Variants in MDGA2 observed in about 807,000 individuals in gnomAD.
MDGA2 encodes MAM domain containing glycosylphosphatidylinositol anchor 2.
In MDGA2, 40 loss-of-function variants were observed where a neutral mutation model predicts 117.8. The observed-to-expected ratio is 0.34, with a 90% CI of 0.26 to 0.44. MDGA2 has a LOEUF of 0.44. MDGA2 is among the 20% of genes least tolerant of loss of function. The probability of loss-of-function intolerance (pLI) is 1.00; values close to 1 mark genes in which losing one functional copy is unlikely to be tolerated. For synonymous variants in MDGA2, 452 were observed against 439.0 expected (o/e 1.03, Z -0.37); for missense variants, 1,123 against 1,250.6 (o/e 0.90, Z 1.54).
chr14:47,509,777 A>G (rs563724637), intron 1 of MDGA2, among the ~76,000 whole-genome samples: 1 of 152,184 alleles, frequency 6.6e-6, no homozygotes, highest in African/African-American at 2.4e-5. Flanking sequence ...TGTCTATCTT[A>G]TGACTGCCTC....
chr14:47,598,009 A>C (rs2138872240), intron 1 of MDGA2, among the ~76,000 whole-genome samples: 1 of 152,276 alleles, frequency 6.6e-6, no homozygotes, highest in African/African-American at 2.4e-5. Context: ...ATAGTCATAA[A>C]GTGTGCTTTA....
intron 8 of MDGA2, among the ~76,000 whole-genome samples, chr14:47,010,473 T>A (rs1278190861): frequency 6.6e-6 from 1 of 152,080 alleles, no homozygotes; most frequent in African/African-American, 2.4e-5. Context: ...TTCTGACATA[T>A]TCCAATAAAG....
At chr14:47,308,951 A>C (rs1052188719) in intron 1 of MDGA2, among the ~76,000 whole-genome samples, 1 of 152,048 alleles carries the variant, frequency 6.6e-6, no homozygotes, top group African/African-American at 2.4e-5. Context: ...ACTTGCTTTT[A>C]CTTCTATGCA....
At chr14:47,543,839 T>C (rs886347011) in intron 1 of MDGA2, among the ~76,000 whole-genome samples, 3 of 152,222 alleles carry the variant, frequency 2.0e-5, no homozygotes, top group African/African-American at 7.2e-5. Flanking sequence ...GTGAGCTTTC[T>C]AAGTATAAAG....
chr14:46,841,881 T>A lies in MDGA2; in HGVS notation c.*50A>T, dbSNP rs1198749805. On this transcript the variant is annotated 3_prime_UTR_variant, in exon 17 of 17. Transcript: ENST00000399232. ...TCAATGTCCATTTACAAAGACTCTT[T>A]CTTCATGCCAGTGCCTGGTGAATCT... The A allele has an allele frequency of 8.0e-7, 1 of 1,242,920 alleles. No individual in the cohort carries two copies. Among genetic ancestry groups the A allele is most frequent in the Non-Finnish European group, 1.2e-6 (1 of 864,216 alleles). The allele number at this position is 1,242,920 out of a possible 1,614,324, so 77.0% of individuals were successfully genotyped here. A position where few individuals can be genotyped will look rare whatever the true frequency, so the allele number is the denominator to read the frequency against.
At chr14:46,973,848 G>A (rs897989402) in intron 8 of MDGA2, among the ~76,000 whole-genome samples, 3 of 151,344 alleles carry the variant, frequency 2.0e-5, no homozygotes, top group Non-Finnish European at 2.9e-5. Flanking sequence ...AAGTAAAAAA[G>A]CAACAAAATC....
intron 8 of MDGA2, among the ~76,000 whole-genome samples, chr14:47,023,003 G>C (rs1029989845): frequency 6.6e-6 from 1 of 152,026 alleles, no homozygotes; most frequent in African/African-American, 2.4e-5. Flanking sequence ...GTTAATCTCT[G>C]GGTGAGAGAC....
chr14:47,510,173 G>A (rs1054301170), intron 1 of MDGA2, among the ~76,000 whole-genome samples: 5 of 152,068 alleles, frequency 3.3e-5, no homozygotes, highest in African/African-American at 7.2e-5. Context: ...AAGGGGCCCC[G>A]GAGAGCTCCC....
chr14:47,463,337 T>C (rs1218830219), intron 1 of MDGA2, among the ~76,000 whole-genome samples: 1 of 152,194 alleles, frequency 6.6e-6, no homozygotes, highest in Non-Finnish European at 1.5e-5. Flanking sequence ...GTGTGGACTA[T>C]ATGTCTTAGC....
chr14:47,066,648 G>T (rs1890093062), intron 6 of MDGA2, among the ~76,000 whole-genome samples: 1 of 151,890 alleles, frequency 6.6e-6, no homozygotes, highest in Non-Finnish European at 1.5e-5. Context: ...AAAAGGGCTT[G>T]TTTATATGCT....
At chr14:47,341,529 T>G (rs549483184) in intron 1 of MDGA2, among the ~76,000 whole-genome samples, 1 of 152,204 alleles carries the variant, frequency 6.6e-6, no homozygotes, top group Non-Finnish European at 1.5e-5. Context: ...ATAAAACAAA[T>G]ACACTCAGTT....
intron 1 of MDGA2, among the ~76,000 whole-genome samples, chr14:47,345,140 C>T (rs1221685789): frequency 1.3e-5 from 2 of 151,904 alleles, no homozygotes; most frequent in Non-Finnish European, 2.9e-5. Flanking sequence ...AGGAAGCAAA[C>T]CCCATTTAAT....
intron 1 of MDGA2, among the ~76,000 whole-genome samples, chr14:47,459,767 A>G (rs1893444694): frequency 6.6e-6 from 1 of 152,098 alleles, no homozygotes; most frequent in African/African-American, 2.4e-5. Flanking sequence ...GTCTTATCAA[A>G]ATTGTTATGG....
chr14:47,222,507 T>C (rs186404996), intron 2 of MDGA2, among the ~76,000 whole-genome samples: 30 of 152,204 alleles, frequency 2.0e-4, no homozygotes, highest in African/African-American at 7.2e-4. Context: ...AAAGTTACAA[T>C]ACAGCTTTCT....
At chr14:47,548,266 C>A (rs1265780193) in intron 1 of MDGA2, among the ~76,000 whole-genome samples, 7 of 152,042 alleles carry the variant, frequency 4.6e-5, no homozygotes, top group Non-Finnish European at 8.8e-5. Context: ...CAATTGAACC[C>A]ATCATCTGAA....
At position 47,343,370 on chromosome 14, in the gene MDGA2, T is replaced by G. The variant is rs754395591; in HGVS notation, c.281-41820A>C. On this transcript the variant is annotated intron_variant, in intron 1 of 16. Transcript: ENST00000399232. ...CAGCTCAAAGGAGGACAGAAAGTGG[T>G]GTGAAAAGCCTAACTTTGAACCAAA... The G allele has an allele frequency of 3.2e-5, 19 of 596,606 alleles. No individual in the cohort carries two copies. In the Admixed American group the frequency reaches 4.0e-4, roughly 13 times the overall value. The allele number at this position is 596,606 out of a possible 1,614,324, so 37.0% of individuals were successfully genotyped here. A position where few individuals can be genotyped will look rare whatever the true frequency, so the allele number is the denominator to read the frequency against.
In MDGA2 at chr14:47,315,941, C is replaced by CAA. The variant is rs5808388; in HGVS notation, c.281-14393_281-14392dup. 6.0e-5 allele frequency among the ~76,000 whole-genome samples: 9 copies of CAA among 150,366 alleles called. No individual in the cohort carries two copies. The East Asian group carries it at 9.8e-4, about 16-fold the overall frequency. ...GGCAAAAAAACAAAACAAAACAAAA[C>CAA]AAAAAACAAACAAAAAAAACTTTCC... On this transcript the variant is annotated intron_variant, in intron 1 of 16. Transcript: ENST00000399232.
rs948901086 is a variant in MDGA2 at position 47,130,552 on chromosome 14, A to G, written c.925+1162T>C. The stretch of plus-strand genomic sequence containing the variant: ...ACACATGTTGATGAACCAATGTCAT[A>G]GTTGACTTTTTAAAATATATTTTAC... On this transcript the variant is annotated intron_variant, in intron 5 of 16. Transcript: ENST00000399232. 4.2e-4 allele frequency among the ~76,000 whole-genome samples: 64 copies of G among 152,226 alleles called. 1 individual carries two copies. Among genetic ancestry groups the G allele is most frequent in the African/African-American group, 1.5e-3 (63 of 41,460 alleles).
intron 8 of MDGA2, among the ~76,000 whole-genome samples, chr14:46,994,514 AACACACACACACACAC>A (rs60903573): frequency 6.7e-6 from 1 of 149,982 alleles, no homozygotes; most frequent in Non-Finnish European, 1.5e-5. Context: ...CACACATACA[AACACACACACACACAC>A]ACACACACAC....
Sources: gnomAD v4.1 joint callset for allele counts (sites outside exome capture counted in the v4.1 genomes callset) on GRCh38, gnomAD v4.1.1 for gene constraint, MANE v1.5 for transcripts, NCBI Gene and HGNC (gene_info 2026-07-23, HGNC 2026-07-21) for gene names.